AREG: variants seen among roughly 807,000 people sequenced by gnomAD.
AREG encodes amphiregulin, also known as amphiregulin B.
In AREG, 16 loss-of-function variants were observed where a neutral mutation model predicts 28.0. That is an observed-to-expected ratio of 0.57 (90% CI 0.39 to 0.87). The LOEUF (loss-of-function observed/expected upper bound fraction) is 0.87, where lower values mean the gene tolerates loss of function less well. Ranked by LOEUF, AREG falls within the 40% of genes least tolerant of loss-of-function variation. AREG has a pLI of 0.00. For missense variants in AREG, 287 were observed against 309.1 expected, an observed-to-expected ratio of 0.93 and a Z score of 0.53; for synonymous variants, 113 against 113.5, an observed-to-expected ratio of 1.00 and a Z score of 0.02.
rs1005545649 is a variant in AREG at position 74,452,673 on chromosome 4, T to C, written c.*18+18T>C. The C allele has an allele frequency of 2.3e-5, 37 of 1,603,182 alleles. No homozygotes were observed. Among genetic ancestry groups the C allele is most frequent in the Non-Finnish European group, 3.1e-5 (36 of 1,173,700 alleles). On this transcript the variant is annotated intron_variant, in intron 5 of 5. Transcript: ENST00000395748. ...AATTACAGGTTTGAGTTTTAAAATA[T>C]ATCTTTAGATCATATCCTATAATTT...
rs1578844288 is a variant in AREG, at chr4:74,448,830, A to G, written c.311-217A>G. 8.4e-6 allele frequency: 5 copies of G among 593,286 alleles called. No homozygotes were observed. The South Asian group carries it at 9.9e-5, about 12-fold the overall frequency. 36.8% of individuals were successfully genotyped at this position (593,286 alleles called of 1,614,324 possible). A position where few individuals can be genotyped will look rare whatever the true frequency, so the allele number is the denominator to read the frequency against. The stretch of plus-strand genomic sequence containing the variant: ...TGCAAGTAGTACTCACTAATTCCCA[A>G]CTATAATCATGAGTGGACACTACTT... On this transcript the variant is annotated intron_variant, in intron 2 of 5. Coordinates refer to ENST00000395748, the MANE Select transcript of AREG (RefSeq NM_001657.4).
chr4:74,445,337 G>A lies in AREG; in HGVS notation c.-9G>A, dbSNP rs2110410209. On this transcript the variant is annotated 5_prime_UTR_variant, in exon 1 of 6. Transcript: ENST00000395748. ...CCAGAGACCGAGACGCCGCCGCTGC[G>A]AAGGACCAATGAGAGCCCCGCTGCT... is the stretch of plus-strand genomic sequence containing the variant. The A allele has an allele frequency of 6.2e-7, 1 of 1,609,852 alleles. No homozygotes were observed. Among genetic ancestry groups the A allele is most frequent in the Non-Finnish European group, 8.5e-7 (1 of 1,179,244 alleles).
chr4:74,446,622 G>C lies in AREG; in HGVS notation c.150G>C (p.Glu50Asp). The stretch of plus-strand genomic sequence containing the variant: ...GGGACCACAGTGCTGATGGATTTGA[G>C]GTTACCTCAAGAAGTGAGATGTCTT... ...FSGDHSADGF[E>D]VTSRSEMSSG... Residue 50 changes from glutamate to aspartate, a missense_variant, in exon 2 of 6, where the codon GAG (glutamate) becomes GAC (aspartate). Transcript: ENST00000395748. 10 of 1,613,984 alleles carry C rather than the reference G, an allele frequency of 6.2e-6. No individual in the cohort carries two copies. The highest frequency in any genetic ancestry group is 7.6e-6 in the Non-Finnish European group (9 of 1,179,870).
At chr4:74,448,939 A>G (rs1020679691) in intron 2 of AREG, 108 bp from the exon 3 acceptor site, 9 of 1,470,910 alleles carry the variant, frequency 6.1e-6, no homozygotes, top group Non-Finnish European at 8.4e-6. Flanking sequence ...TGAGGCACGC[A>G]TGGCTGTTAC....
At chr4:74,451,595 G>A (rs949430386) in intron 4 of AREG, among the ~76,000 whole-genome samples, 2 of 152,018 alleles carry the variant, frequency 1.3e-5, no homozygotes, top group African/African-American at 4.8e-5. Context: ...AATTTATTTT[G>A]CACACACTAG....
intron 4 of AREG, 145 bp downstream of exon 4, chr4:74,450,677 C>A: frequency 7.9e-7 from 1 of 1,269,474 alleles, no homozygotes; most frequent in Non-Finnish European, 1.1e-6. Context: ...ATTTTATTGA[C>A]AAATATCACA....
intron 4 of AREG, 38 bp from the exon 5 acceptor site, chr4:74,452,506 A>G (rs1226490358): frequency 1.2e-6 from 2 of 1,612,012 alleles, no homozygotes; most frequent in African/African-American, 1.3e-5. Flanking sequence ...ATAGATGAAT[A>G]GAACCTTGAT....
At position 74,445,295 on chromosome 4, in the gene AREG, C is replaced by T. The variant is rs749700682; in HGVS notation, c.-51C>T. 5.6e-6 allele frequency: 9 copies of T among 1,593,608 alleles called. No homozygotes were observed. The highest frequency in any genetic ancestry group is 6.8e-6 in the Non-Finnish European group (8 of 1,172,228). On this transcript the variant is annotated 5_prime_UTR_variant, in exon 1 of 6. Transcript: ENST00000395748. Reference sequence around the variant, plus strand: ...GCTCGTTTTGGCGGCAGCTCGTGTCCCAGAGACCGAGTTGCCCCAGAGACC... The same window carrying T: ...GCTCGTTTTGGCGGCAGCTCGTGTCTCAGAGACCGAGTTGCCCCAGAGACC...
rs998194728 is a variant in AREG at position 74,453,135 on chromosome 4, G to T, written c.*18+480G>T. Among the ~76,000 whole-genome samples, 229 of 152,280 alleles carry T rather than the reference G, an allele frequency of 1.5e-3. 5 individuals carry two copies. In the South Asian group the frequency reaches 0.044, roughly 29 times the overall value. On this transcript the variant is annotated intron_variant, in intron 5 of 5. Transcript: ENST00000395748. Reference sequence around the variant, plus strand: ...GAAGGGAAAGAAAGGGTTATACTGAGAAATGGAAGAGATAATTTTAGAAAC... The same window carrying T: ...GAAGGGAAAGAAAGGGTTATACTGATAAATGGAAGAGATAATTTTAGAAAC...
chr4:74,453,183 A>C (rs2110413345), intron 5 of AREG, among the ~76,000 whole-genome samples: 1 of 152,304 alleles, frequency 6.6e-6, no homozygotes, highest in East Asian at 1.9e-4. Flanking sequence ...GCTTAATCTA[A>C]ATGAGTGTTA....
chr4:74,448,788 TCTC>T, intron 2 of AREG: 1 of 422,438 alleles, frequency 2.4e-6, no homozygotes, highest in Non-Finnish European at 4.2e-6. Context: ...AATTTATAAT[TCTC>T]AGTTTTTTCC....
chr4:74,445,392 T>G lies in AREG; in HGVS notation c.47T>G (p.Leu16Trp). ...CCGGCGCCGGTGGTGCTGTCGCTCT[T>G]GATACTCGGCTCAGGTGAGGATTCA... is the stretch of plus-strand genomic sequence containing the variant. ...LPPAPVVLSL[L>W]ILGSGHYAAG... is the part of the protein sequence containing the mutation. The change falls in exon 1 of 6, where the codon TTG (leucine) becomes TGG (tryptophan). Residue 16 changes from leucine to tryptophan, a missense_variant. Transcript: ENST00000395748. 1.9e-6 allele frequency: 3 copies of G among 1,610,496 alleles called. No individual in the cohort carries two copies. The highest frequency in any genetic ancestry group is 2.5e-6 in the Non-Finnish European group (3 of 1,179,040).
intron 3 of AREG, 134 bp downstream of exon 3, chr4:74,449,382 A>C: frequency 6.7e-7 from 1 of 1,481,554 alleles, no homozygotes; most frequent in East Asian, 2.4e-5. Flanking sequence ...ACCAGATAGT[A>C]AATATTATAG....
At chr4:74,451,693 G>A (rs1429762598) in intron 4 of AREG, among the ~76,000 whole-genome samples, 2 of 152,108 alleles carry the variant, frequency 1.3e-5, no homozygotes, top group Non-Finnish European at 2.9e-5. Context: ...TTATTTTAAA[G>A]GATAGAACAA....
chr4:74,453,450 A>T (rs1719412365), intron 5 of AREG, among the ~76,000 whole-genome samples: 1 of 152,204 alleles, frequency 6.6e-6, no homozygotes, highest in South Asian at 2.1e-4. Context: ...TTTCGTTGAT[A>T]ATGAAAGTGA....
chr4:74,452,002 G>A (rs936628827), intron 4 of AREG, among the ~76,000 whole-genome samples: 5 of 151,956 alleles, frequency 3.3e-5, no homozygotes, highest in Admixed American at 6.6e-5. Context: ...GTTTTGTGGT[G>A]GGTTAAAGAC....
At position 74,450,367 on chromosome 4, in the gene AREG, G is replaced by C. The variant is rs929707206; in HGVS notation, c.513-13G>C. ...TTTTGTGATTATAATTTTTAAATGTGAATTGCTTGCAGATGTCAGCAAGAA... is the reference window on the plus strand; with the variant it reads ...TTTTGTGATTATAATTTTTAAATGTCAATTGCTTGCAGATGTCAGCAAGAA... On this transcript the variant is annotated splice_polypyrimidine_tract_variant and intron_variant, in intron 3 of 5. Coordinates refer to ENST00000395748, the MANE Select transcript of AREG (RefSeq NM_001657.4). 1.2e-6 allele frequency: 2 copies of C among 1,613,882 alleles called. No individual in the cohort carries two copies. The highest frequency in any genetic ancestry group is 3.3e-5 in the Admixed American group (2 of 60,010).
chr4:74,447,009 A>G (rs1269419642), intron 2 of AREG, among the ~76,000 whole-genome samples: 1 of 152,172 alleles, frequency 6.6e-6, no homozygotes, highest in Non-Finnish European at 1.5e-5. Flanking sequence ...AATCTTCACA[A>G]TGACTTTAAG....
Position 74,450,522 on chromosome 4 carries a change from A to T in AREG, c.655A>T (p.Ile219Phe). Reference protein sequence around the residue: ...SAVILTAVAVITVQLRRQYVR... With the variant: ...SAVILTAVAVFTVQLRRQYVR... The stretch of plus-strand genomic sequence containing the variant: ...TGTGATCCTCACAGCTGTTGCTGTT[A>T]TTACAGTCCAGTAAGTATGACATAA... The change falls in exon 4 of 6, where the codon ATT becomes TTT. Residue 219 changes from isoleucine to phenylalanine, a missense_variant. Physicochemically the swap from Ile to Phe is conservative, Grantham distance 21 (BLOSUM62 0). Transcript: ENST00000395748. 1 of 1,613,904 alleles carries T rather than the reference A, an allele frequency of 6.2e-7. No homozygotes were observed. The highest frequency in any genetic ancestry group is 8.5e-7 in the Non-Finnish European group (1 of 1,179,838).
Sources: allele counts gnomAD v4.1 joint callset (sites outside exome capture counted in the v4.1 genomes callset), GRCh38; gene constraint gnomAD v4.1.1; transcripts MANE v1.5; gene names NCBI Gene and HGNC (gene_info 2026-07-23, HGNC 2026-07-21).